Variants in ARNT2 observed in about 807,000 individuals in gnomAD.
The protein encoded by ARNT2 is ARNT protein 2.
Under a neutral mutation model 91.7 loss-of-function variants are expected in ARNT2, and 36 were observed. That is an observed-to-expected ratio of 0.39 (90% CI 0.30 to 0.52). The LOEUF (loss-of-function observed/expected upper bound fraction) is 0.52. Among genes scored for constraint, ARNT2 ranks in the 20% least tolerant of loss-of-function variants. The pLI is 0.72. For synonymous variants in ARNT2, 365 were observed against 347.1 expected, an observed-to-expected ratio of 1.05 and a Z score of -0.57; for missense variants, 775 against 939.3, an observed-to-expected ratio of 0.83 and a Z score of 2.29.
intron 1 of ARNT2, among the ~76,000 whole-genome samples, chr15:80,405,144 T>A (rs529814680): frequency 6.6e-6 from 1 of 152,328 alleles, no homozygotes; most frequent in East Asian, 1.9e-4. Flanking sequence ...CCAGGTGACA[T>A]CCTCTGCTTT....
chr15:80,515,279 T>C (rs921925006), intron 8 of ARNT2, among the ~76,000 whole-genome samples: 4 of 152,158 alleles, frequency 2.6e-5, no homozygotes, highest in Admixed American at 6.6e-5. Context: ...ACCAAGAGAA[T>C]TGAAAATGTT....
At chr15:80,574,086 G>T in intron 12 of ARNT2, 62 bp from the exon 13 acceptor site, 5 of 1,441,994 alleles carry the variant, frequency 3.5e-6, no homozygotes, top group Non-Finnish European at 3.9e-6. Context: ...AAAAGTCCTG[G>T]CTTAGCCCTA....
chr15:80,516,752 T>A (rs1481480855), intron 8 of ARNT2, among the ~76,000 whole-genome samples: 3 of 149,676 alleles, frequency 2.0e-5, no homozygotes, highest in African/African-American at 7.3e-5. Flanking sequence ...TTGCCTTTTT[T>A]AAGTTTCTTT....
In ARNT2 at chr15:80,563,091, G is replaced by A; in HGVS notation, c.1168G>A (p.Val390Ile). Residue 390 changes from valine to isoleucine, a missense_variant, in exon 12 of 19, where the codon GTT becomes ATT. This residue lies in a region of ARNT2 where 285 missense variants were observed against 327.2 expected (regional missense o/e 0.87). Coordinates refer to ENST00000303329, the MANE Select transcript of ARNT2 (RefSeq NM_014862.4). Reference protein sequence around the residue: ...SHLRESFQQVVKLKGQVLSVM... With the variant: ...SHLRESFQQVIKLKGQVLSVM... Reference sequence around the variant, plus strand: ...CCTTCTCCAAATGTTTTCTCAGGTGGTTAAGCTGAAAGGCCAAGTCCTGTC... The same window carrying A: ...CCTTCTCCAAATGTTTTCTCAGGTGATTAAGCTGAAAGGCCAAGTCCTGTC... The A allele has an allele frequency of 6.2e-7, 1 of 1,614,122 alleles. No individual in the cohort carries two copies. The highest frequency in any genetic ancestry group is 8.5e-7 in the Non-Finnish European group (1 of 1,180,032).
intron 5 of ARNT2, among the ~76,000 whole-genome samples, chr15:80,502,666 A>G (rs1404444733): frequency 5.9e-5 from 9 of 152,160 alleles, no homozygotes; most frequent in Non-Finnish European, 1.3e-4. Flanking sequence ...TCCAGAGGGC[A>G]TGCTCCAGAG....
intron 12 of ARNT2, among the ~76,000 whole-genome samples, chr15:80,565,910 A>T (rs1006040539): frequency 5.3e-5 from 8 of 151,828 alleles, no homozygotes; most frequent in Non-Finnish European, 1.0e-4. Context: ...TTAGATGATG[A>T]CCTGCATTCC....
intron 8 of ARNT2, among the ~76,000 whole-genome samples, chr15:80,524,692 T>C (rs544751477): frequency 1.5e-4 from 23 of 152,136 alleles, no homozygotes; most frequent in African/African-American, 2.4e-4. Flanking sequence ...CTGGCCAACA[T>C]GGTGAAACCC....
At chr15:80,494,797 G>A (rs9806626) in intron 5 of ARNT2, among the ~76,000 whole-genome samples, 13 of 152,268 alleles carry the variant, frequency 8.5e-5, no homozygotes, top group African/African-American at 2.4e-4. Flanking sequence ...TTCTCTGCCC[G>A]TTGGTATGGA....
At chr15:80,499,874 C>G (rs1047681987) in intron 5 of ARNT2, among the ~76,000 whole-genome samples, 17 of 152,136 alleles carry the variant, frequency 1.1e-4, no homozygotes, top group African/African-American at 4.1e-4. Flanking sequence ...CTCAAGAAAG[C>G]ATTGTGGTAG....
chr15:80,570,160 G>T (rs953843599), intron 12 of ARNT2, among the ~76,000 whole-genome samples: 5 of 152,240 alleles, frequency 3.3e-5, no homozygotes, highest in Non-Finnish European at 7.3e-5. Context: ...ACTTGGGTTT[G>T]AGTCATATGT....
chr15:80,409,656 G>C (rs1895653640), intron 1 of ARNT2, among the ~76,000 whole-genome samples: 1 of 152,170 alleles, frequency 6.6e-6, no homozygotes, highest in Admixed American at 6.5e-5. Context: ...AAGACAAATA[G>C]TCACAAAAGA....
At chr15:80,570,742 C>T (rs1229777594) in intron 12 of ARNT2, among the ~76,000 whole-genome samples, 1 of 150,576 alleles carries the variant, frequency 6.6e-6, no homozygotes, top group Non-Finnish European at 1.5e-5. Flanking sequence ...TAACTCACCA[C>T]ACTGTAATTG....
chr15:80,537,557 G>A (rs1897845187), intron 8 of ARNT2, among the ~76,000 whole-genome samples: 1 of 152,234 alleles, frequency 6.6e-6, no homozygotes, highest in African/African-American at 2.4e-5. Context: ...TCTGTAACTA[G>A]TGGGAAAATG....
intron 2 of ARNT2, among the ~76,000 whole-genome samples, chr15:80,456,189 C>A (rs917837344): frequency 2.0e-5 from 3 of 152,214 alleles, no homozygotes; most frequent in Non-Finnish European, 2.9e-5. Flanking sequence ...AACTCTAAAG[C>A]TGCTGCCCGG....
intron 6 of ARNT2, among the ~76,000 whole-genome samples, 190 bp from the exon 7 acceptor site, chr15:80,513,721 C>CAAAAAAAAAA (rs36113299): frequency 4.0e-5 from 4 of 100,938 alleles, no homozygotes; most frequent in Non-Finnish European, 5.8e-5. Context: ...TCTTCAGTCA[C>CAAAAAAAAAA]AAAAAAAAAA....
intron 1 of ARNT2, among the ~76,000 whole-genome samples, chr15:80,445,476 T>TGG (rs774483427): frequency 2.7e-5 from 4 of 148,490 alleles, no homozygotes; most frequent in Non-Finnish European, 6.0e-5. Flanking sequence ...GTGACGTGTG[T>TGG]GGGGGTGTGT....
intron 8 of ARNT2, among the ~76,000 whole-genome samples, chr15:80,536,157 G>T (rs574086679): frequency 6.6e-6 from 1 of 152,342 alleles, no homozygotes; most frequent in East Asian, 1.9e-4. Context: ...GAGGCACGTG[G>T]AGTGAGGTTA....
At chr15:80,506,022 C>T (rs541457119) in intron 5 of ARNT2, among the ~76,000 whole-genome samples, 10 of 149,388 alleles carry the variant, frequency 6.7e-5, no homozygotes, top group East Asian at 2.0e-4. Context: ...CTGAAAGCTC[C>T]GCTTCCCGGG....
intron 2 of ARNT2, among the ~76,000 whole-genome samples, chr15:80,454,919 C>G (rs1248517269): frequency 6.6e-6 from 1 of 152,180 alleles, no homozygotes; most frequent in Admixed American, 6.5e-5. Context: ...TTTTCAGCCC[C>G]CTTTTTGAAG....
Sources: allele counts gnomAD v4.1 joint callset (sites outside exome capture counted in the v4.1 genomes callset), GRCh38; gene constraint gnomAD v4.1.1; regional missense constraint gnomAD v4.1.1; transcripts MANE v1.5; gene names NCBI Gene and HGNC (gene_info 2026-07-23, HGNC 2026-07-21).